NRXN3: variants seen among roughly 807,000 people sequenced by gnomAD.
The protein encoded by NRXN3 is neurexin 3, also known as neurexin III.
NRXN3 carries 32 observed loss-of-function variants against 137.6 expected under a neutral mutation model. The observed-to-expected ratio is 0.23, with a 90% confidence interval of 0.18 to 0.31. NRXN3 has a LOEUF of 0.31. NRXN3 is among the 10% of genes least tolerant of loss of function. NRXN3 has a pLI of 1.00. For synonymous variants in NRXN3, 798 were observed against 784.5 expected (o/e 1.02, Z -0.29); for missense variants, 1,574 against 2,062.5 (o/e 0.76, Z 4.59).
chr14:79,354,682 A>G (rs1292608552), intron 15 of NRXN3, among the ~76,000 whole-genome samples: 1 of 152,218 alleles, frequency 6.6e-6, no homozygotes, highest in African/African-American at 2.4e-5. Context: ...GTATGTGGAA[A>G]AGGGTAAAGT....
chr14:79,712,444 G>A (rs1281780757), intron 19 of NRXN3, among the ~76,000 whole-genome samples: 2 of 152,292 alleles, frequency 1.3e-5, no homozygotes, highest in Non-Finnish European at 2.9e-5. Context: ...AACAATGTAA[G>A]ATCATACATG....
intron 10 of NRXN3, among the ~76,000 whole-genome samples, chr14:78,904,563 G>C (rs1275560780): frequency 6.6e-6 from 1 of 152,034 alleles, no homozygotes; most frequent in African/African-American, 2.4e-5. Context: ...ATCAAATACA[G>C]ATGATTTCTA....
At chr14:78,867,793 G>A (rs1285197689) in intron 10 of NRXN3, among the ~76,000 whole-genome samples, 3 of 151,900 alleles carry the variant, frequency 2.0e-5, no homozygotes, top group East Asian at 1.9e-4. Context: ...TTCCATGCAC[G>A]ACTGTCCACT....
intron 4 of NRXN3, among the ~76,000 whole-genome samples, chr14:78,384,608 T>A (rs1031402347): frequency 5.9e-5 from 9 of 152,194 alleles, no homozygotes; most frequent in Admixed American, 3.3e-4. Context: ...AGACCCACTA[T>A]AACTGGGGGA....
chr14:79,673,466 G>A (rs1032555026), intron 17 of NRXN3, among the ~76,000 whole-genome samples: 5 of 152,044 alleles, frequency 3.3e-5, no homozygotes, highest in African/African-American at 9.7e-5. Context: ...AATAGAAGTC[G>A]ATTGATCATG....
At chr14:78,623,245 G>C (rs2097423230) in intron 4 of NRXN3, among the ~76,000 whole-genome samples, 1 of 152,184 alleles carries the variant, frequency 6.6e-6, no homozygotes, top group Non-Finnish European at 1.5e-5. Flanking sequence ...TGAGAGTTTA[G>C]AGTTCTAGTC....
chr14:79,710,070 G>GGTTT (rs1253983540), intron 19 of NRXN3, among the ~76,000 whole-genome samples: 3 of 151,960 alleles, frequency 2.0e-5, no homozygotes, highest in South Asian at 2.1e-4. Context: ...TTTATTTGGG[G>GGTTT]GTTTGTTTGT....
chr14:79,450,578 GC>G (rs1323408834), intron 15 of NRXN3, among the ~76,000 whole-genome samples: 4 of 143,658 alleles, frequency 2.8e-5, no homozygotes, highest in African/African-American at 7.8e-5. Flanking sequence ...TAAAAATAAG[GC>G]CAGGGGCGGT....
At chr14:78,734,201 T>C (rs912659373) in intron 8 of NRXN3, among the ~76,000 whole-genome samples, 1 of 132,386 alleles carries the variant, frequency 7.6e-6, no homozygotes, top group Non-Finnish European at 1.6e-5. Flanking sequence ...CGTATCTGCA[T>C]CTGAAACACA....
intron 8 of NRXN3, among the ~76,000 whole-genome samples, chr14:78,717,484 C>T (rs2098439290): frequency 2.0e-5 from 3 of 152,132 alleles, no homozygotes; most frequent in Non-Finnish European, 2.9e-5. Flanking sequence ...TTGTTTTGTT[C>T]CCCTACTAAT....
intron 16 of NRXN3, among the ~76,000 whole-genome samples, chr14:79,662,038 G>A (rs73329933): frequency 0.053 from 8,030 of 152,136 alleles, 681 homozygotes; most frequent in African/African-American, 0.18. Context: ...GGTTTTATGA[G>A]GGGGTTTTCC....
chr14:79,657,354 A>T (rs187097546), intron 16 of NRXN3, among the ~76,000 whole-genome samples: 105 of 152,228 alleles, frequency 6.9e-4, no homozygotes, highest in South Asian at 4.1e-4. Flanking sequence ...TGCCACAGCC[A>T]CACTTCAGCT....
At chr14:78,422,036 G>C (rs2093469138) in intron 4 of NRXN3, among the ~76,000 whole-genome samples, 1 of 152,202 alleles carries the variant, frequency 6.6e-6, no homozygotes, top group Admixed American at 6.5e-5. Context: ...CTGAGCTTCT[G>C]AGAGTCTGGG....
intron 6 of NRXN3, 148 bp downstream of exon 6, chr14:78,651,474 C>T: frequency 1.1e-6 from 1 of 940,804 alleles, no homozygotes; most frequent in Non-Finnish European, 1.6e-6. Flanking sequence ...AAGTAGGTGT[C>T]CTACGTTTTC....
chr14:78,256,257 G>C (rs1299907049), intron 2 of NRXN3, among the ~76,000 whole-genome samples: 2 of 152,172 alleles, frequency 1.3e-5, no homozygotes, highest in East Asian at 3.8e-4. Flanking sequence ...GAGCTCACTA[G>C]AGACAGGATA....
At chr14:79,598,292 A>G (rs170247) in intron 16 of NRXN3, among the ~76,000 whole-genome samples, 35,581 of 152,078 alleles carry the variant, frequency 0.23, 7,012 homozygotes, top group African/African-American at 0.53. Flanking sequence ...ATCATCTTCA[A>G]AAAGTCAGGT....
chr14:78,430,634 G>A (rs1327341536), intron 4 of NRXN3, among the ~76,000 whole-genome samples: 1 of 152,164 alleles, frequency 6.6e-6, no homozygotes, highest in Admixed American at 6.5e-5. Flanking sequence ...CCCTCATAGC[G>A]AGTGGTCCTC....
chr14:78,335,769 C>T (rs766869752), intron 4 of NRXN3, among the ~76,000 whole-genome samples: 2 of 151,904 alleles, frequency 1.3e-5, no homozygotes, highest in South Asian at 2.1e-4. Flanking sequence ...CTTCAGAGAC[C>T]GAAGCACTCT....
At chr14:79,317,477 C>G (rs754087485) in intron 15 of NRXN3, among the ~76,000 whole-genome samples, 21 of 152,168 alleles carry the variant, frequency 1.4e-4, no homozygotes, top group African/African-American at 4.8e-4. Flanking sequence ...TACTATCCTA[C>G]TATGTCTATC....
Sources: gnomAD v4.1 joint callset for allele counts (sites outside exome capture counted in the v4.1 genomes callset) on GRCh38, gnomAD v4.1.1 for gene constraint, MANE v1.5 for transcripts, NCBI Gene and HGNC (gene_info 2026-07-23, HGNC 2026-07-21) for gene names.